WDR83: variants seen among roughly 807,000 people sequenced by gnomAD.
WDR83 encodes the protein WD repeat domain-containing protein 83.
In WDR83, 37 loss-of-function variants were observed where a neutral mutation model predicts 37.7. The ratio of observed to expected loss-of-function variants is 0.98; its 90% CI spans 0.76 to 1.29. The LOEUF (loss-of-function observed/expected upper bound fraction) is 1.29. Among genes scored for constraint, WDR83 ranks in the 50% most tolerant of loss-of-function variants. The pLI is 0.00. For synonymous variants in WDR83, 174 were observed against 181.1 expected (o/e 0.96, Z 0.31); for missense variants, 445 against 414.4 (o/e 1.07, Z -0.64).
Position 12,675,516 on chromosome 19 carries a change from T to G in WDR83, c.799-7T>G. The G allele has an allele frequency of 6.2e-7, 1 of 1,602,960 alleles. No individual in the cohort carries two copies. Among genetic ancestry groups the G allele is most frequent in the East Asian group, 2.2e-5 (1 of 44,864 alleles). ...CAGATAACCACTCCCTACCCCTCGC[T>G]CCACAGGGTGCGCTGGCTCTGGCCC... On this transcript the variant is annotated splice_polypyrimidine_tract_variant and splice_region_variant and intron_variant, in intron 10 of 10. Transcript: ENST00000418543.
At chr19:12,673,137 G>A (rs368361960) in intron 9 of WDR83, 21 bp downstream of exon 9, 20 of 1,611,860 alleles carry the variant, frequency 1.2e-5, no homozygotes, top group Non-Finnish European at 1.6e-5. Context: ...GTGGTCGTGG[G>A]GATCCCCTTC....
At chr19:12,670,982 T>G (rs2145312863) in intron 7 of WDR83, 161 bp downstream of exon 7, 3 of 1,103,574 alleles carry the variant, frequency 2.7e-6, no homozygotes, top group East Asian at 5.4e-5. Flanking sequence ...AGTCCAAGAG[T>G]TCGAGGCACC....
chr19:12,673,147 C>G (rs1275362294), intron 9 of WDR83, 31 bp downstream of exon 9: 1 of 1,611,328 alleles, frequency 6.2e-7, no homozygotes, highest in African/African-American at 1.3e-5. Context: ...GGATCCCCTT[C>G]CCTCCTCTCC....
At chr19:12,673,519 G>A (rs2024484123) in intron 10 of WDR83, among the ~76,000 whole-genome samples, 1 of 147,874 alleles carries the variant, frequency 6.8e-6, no homozygotes, top group South Asian at 2.1e-4. Context: ...CCAAGTTCAA[G>A]CGATTCTCCT....
At chr19:12,673,351 G>A (rs2024478422) in intron 10 of WDR83, 35 bp downstream of exon 10, 1 of 1,539,368 alleles carries the variant, frequency 6.5e-7, no homozygotes, top group Non-Finnish European at 9.0e-7. Context: ...ATACCTAGAT[G>A]CCTGCCCCAT....
intron 1 of WDR83, among the ~76,000 whole-genome samples, chr19:12,667,668 C>A (rs2024291323): frequency 6.6e-6 from 1 of 151,994 alleles, no homozygotes; most frequent in Non-Finnish European, 1.5e-5. Flanking sequence ...TCAAAAAAAA[C>A]AAGAATTAAC....
chr19:12,669,039 A>T, intron 2 of WDR83: 1 of 1,364,230 alleles, frequency 7.3e-7, no homozygotes, highest in Non-Finnish European at 1.0e-6. Flanking sequence ...CCCCATCAGC[A>T]ATGACAAGAC....
intron 10 of WDR83, among the ~76,000 whole-genome samples, chr19:12,674,388 G>A (rs2024510108): frequency 6.6e-6 from 1 of 152,212 alleles, no homozygotes; most frequent in Non-Finnish European, 1.5e-5. Context: ...CTCGGCAAAG[G>A]AGACATCAGC....
Position 12,670,694 on chromosome 19 carries a change from G to C in WDR83, c.380-1G>C, listed in dbSNP as rs750099918. 5.6e-6 allele frequency: 9 copies of C among 1,614,192 alleles called. No individual in the cohort carries two copies. The highest frequency in any genetic ancestry group is 2.2e-5 in the East Asian group (1 of 44,874). On this transcript the variant is annotated splice_acceptor_variant, in intron 6 of 10. Coordinates refer to ENST00000418543, the MANE Select transcript of WDR83 (RefSeq NM_001099737.3). LOFTEE classifies it high-confidence loss of function. ...ACCTCACCATCATGCTGGCCTCACA[G>C]GCTCTATTGATTCCAGTATCCGCTG...
At chr19:12,669,401 C>T in intron 2 of WDR83, 1 of 1,596,188 alleles carries the variant, frequency 6.3e-7, no homozygotes, top group Non-Finnish European at 8.5e-7. Flanking sequence ...TGTTAGTGGA[C>T]ATAGCGAGTC....
intron 1 of WDR83, chr19:12,668,229 C>T: frequency 2.1e-6 from 2 of 953,668 alleles, no homozygotes; most frequent in Non-Finnish European, 3.2e-6. Flanking sequence ...TTCCCTCTAT[C>T]CAGCTGGGGG....
Position 12,670,751 on chromosome 19 carries a change from G to A in WDR83, c.436G>A (p.Val146Met). 1.2e-6 allele frequency: 2 copies of A among 1,614,230 alleles called. No homozygotes were observed. Among genetic ancestry groups the A allele is most frequent in the East Asian group, 2.2e-5 (1 of 44,882 alleles). The change falls in exon 7 of 11, where the codon GTG becomes ATG. Residue 146 changes from valine (V) to methionine (M), a missense_variant. Coordinates refer to ENST00000418543, the MANE Select transcript of WDR83 (RefSeq NM_001099737.3). ...WDCRSRRPEP[V>M]QTLDEARDGV... ...TTGCCGCTCACGGAGGCCTGAGCCA[G>A]TGCAGACGCTGGATGAGGCCAGAGA...
chr19:12,668,285 G>A, intron 1 of WDR83: 1 of 1,469,524 alleles, frequency 6.8e-7, no homozygotes. Flanking sequence ...GCAGCTGAAG[G>A]CAGCAGGTTT....
rs1160455190 is a variant in WDR83 at position 12,672,802 on chromosome 19, T to C, written c.507-45T>C. On this transcript the variant is annotated intron_variant, in intron 7 of 10. Coordinates refer to ENST00000418543, the MANE Select transcript of WDR83 (RefSeq NM_001099737.3). ...GAAGGCACAGGGCTGCCTGGAGCCA[T>C]GTGAGTGTAGTCAAGGTTCCCGCTG... is the stretch of plus-strand genomic sequence containing the variant. The C allele has an allele frequency of 1.9e-6, 3 of 1,546,996 alleles. No individual in the cohort carries two copies. The Admixed American group carries it at 5.9e-5, about 30-fold the overall frequency.
At chr19:12,669,482 G>C in intron 2 of WDR83, 1 of 1,517,442 alleles carries the variant, frequency 6.6e-7, no homozygotes, top group Non-Finnish European at 8.9e-7. Context: ...GCGGATTTTA[G>C]AGTAACACCC....
At chr19:12,668,471 C>A (rs781676984) in intron 1 of WDR83, 37 bp from the exon 2 acceptor site, 36 of 1,612,198 alleles carry the variant, frequency 2.2e-5, no homozygotes, top group Admixed American at 1.2e-4. Context: ...AGGCTGGGGT[C>A]CCCCCACCCC....
Position 12,668,734 on chromosome 19 carries a change from TG to T in WDR83, c.-37+108del, listed in dbSNP as rs1305350344. 4 of 863,920 alleles carry T rather than the reference TG, an allele frequency of 4.6e-6. No individual in the cohort carries two copies. In the Admixed American group the frequency reaches 8.1e-5, roughly 17 times the overall value. 53.5% of individuals were successfully genotyped at this position (863,920 alleles called of 1,614,324 possible). A position where few individuals can be genotyped will look rare whatever the true frequency, so the allele number is the denominator to read the frequency against. On this transcript the variant is annotated intron_variant, in intron 2 of 10. Transcript: ENST00000418543. Reference sequence around the variant, plus strand: ...ATTCCATCTGATGCAGCTGGGACCTTGCCCCACCCGGAATTCCTCAGTCCCA... The same window carrying T: ...ATTCCATCTGATGCAGCTGGGACCTTCCCCACCCGGAATTCCTCAGTCCCA...
At chr19:12,673,172 A>C (rs754796140) in intron 9 of WDR83, 30 bp from the exon 10 acceptor site, 3 of 1,613,214 alleles carry the variant, frequency 1.9e-6, no homozygotes, top group East Asian at 4.5e-5. Context: ...CCTGGAGAGG[A>C]CCAAGCCCCC....
intron 1 of WDR83, among the ~76,000 whole-genome samples, chr19:12,667,273 A>ACTT (rs1386432658): frequency 1.8e-4 from 27 of 152,172 alleles, no homozygotes; most frequent in Non-Finnish European, 3.4e-4. Flanking sequence ...AAGGACCCCG[A>ACTT]GTCTTTCATG....
Sources: gnomAD v4.1 joint callset for allele counts (sites outside exome capture counted in the v4.1 genomes callset) on GRCh38, gnomAD v4.1.1 for gene constraint, MANE v1.5 for transcripts, NCBI Gene and HGNC (gene_info 2026-07-23, HGNC 2026-07-21) for gene names.